Variants in DENND1A observed in about 807,000 individuals in gnomAD.
DENND1A encodes DENN domain-containing protein 1A.
A neutral mutation model predicts 113.7 loss-of-function variants in DENND1A; 51 were observed. That is an observed-to-expected ratio of 0.45 (90% CI 0.36 to 0.57). DENND1A has a LOEUF of 0.57. DENND1A is among the 20% of genes least tolerant of loss of function. The pLI is 0.00. For synonymous variants in DENND1A, 565 were observed against 570.8 expected (o/e 0.99, Z 0.14); for missense variants, 1,258 against 1,395.9 (o/e 0.90, Z 1.57).
At chr9:123,558,724 C>A (rs10986053) in intron 12 of DENND1A, among the ~76,000 whole-genome samples, 1 of 152,132 alleles carries the variant, frequency 6.6e-6, no homozygotes, top group Non-Finnish European at 1.5e-5. Context: ...TCAAGCTTCC[C>A]GGACTATTTC....
intron 5 of DENND1A, among the ~76,000 whole-genome samples, chr9:123,714,040 C>T (rs2066810932): frequency 6.6e-6 from 1 of 152,122 alleles, no homozygotes. Flanking sequence ...TTAGTGTGTA[C>T]AGTTAGAAGC....
chr9:123,750,965 C>G lies in DENND1A; in HGVS notation c.302+6738G>C, dbSNP rs113761519. Among the ~76,000 whole-genome samples, 3 of 152,282 alleles carry G rather than the reference C, an allele frequency of 2.0e-5. 1 individual carries two copies. Among genetic ancestry groups the G allele is most frequent in the African/African-American group, 7.2e-5 (3 of 41,568 alleles). On this transcript the variant is annotated intron_variant, in intron 5 of 23. Coordinates refer to ENST00000394215, the MANE Select transcript of DENND1A (RefSeq NM_001352964.2). ...CAAGGTAAAAATCTGGGAGCTGTCCCCACAGCCTTCCTCCCCGACTCCCTC... is the reference window on the plus strand; with the variant it reads ...CAAGGTAAAAATCTGGGAGCTGTCCGCACAGCCTTCCTCCCCGACTCCCTC...
chr9:123,384,441 C>G (rs1482136423), intron 22 of DENND1A, among the ~76,000 whole-genome samples: 1 of 152,260 alleles, frequency 6.6e-6, no homozygotes, highest in Admixed American at 6.5e-5. Flanking sequence ...CACCTCTGGT[C>G]ATGCTATTTC....
intron 13 of DENND1A, among the ~76,000 whole-genome samples, 156 bp from the exon 14 acceptor site, chr9:123,458,053 T>C (rs1434526705): frequency 6.7e-6 from 1 of 148,338 alleles, no homozygotes; most frequent in Non-Finnish European, 1.5e-5. Flanking sequence ...CAGGCTGGAG[T>C]ACAGTGGTGC....
At chr9:123,770,246 A>G (rs1829512335) in intron 3 of DENND1A, among the ~76,000 whole-genome samples, 2 of 152,236 alleles carry the variant, frequency 1.3e-5, no homozygotes, top group South Asian at 4.1e-4. Flanking sequence ...ATTAAAATCT[A>G]AAGCAAACTA....
At chr9:123,868,983 G>A (rs1179605517) in intron 2 of DENND1A, among the ~76,000 whole-genome samples, 1 of 152,166 alleles carries the variant, frequency 6.6e-6, no homozygotes, top group Non-Finnish European at 1.5e-5. Flanking sequence ...GTAGAGAAAG[G>A]CAAATTGAGA....
intron 10 of DENND1A, among the ~76,000 whole-genome samples, chr9:123,624,012 T>C (rs1241642087): frequency 1.3e-5 from 2 of 152,232 alleles, no homozygotes; most frequent in Non-Finnish European, 2.9e-5. Flanking sequence ...GTGGTCCTCA[T>C]GTGTTAATTA....
chr9:123,713,226 T>C (rs2066748875), intron 5 of DENND1A, among the ~76,000 whole-genome samples: 1 of 152,176 alleles, frequency 6.6e-6, no homozygotes, highest in South Asian at 2.1e-4. Flanking sequence ...GGAGAACATA[T>C]TAAAACTATT....
At chr9:123,746,381 T>C (rs916364582) in intron 5 of DENND1A, among the ~76,000 whole-genome samples, 12 of 152,138 alleles carry the variant, frequency 7.9e-5, no homozygotes, top group Admixed American at 5.2e-4. Flanking sequence ...ATCCATGTTT[T>C]AAAAAGATTG....
intron 13 of DENND1A, among the ~76,000 whole-genome samples, chr9:123,531,359 A>T (rs2135357669): frequency 6.6e-6 from 1 of 151,932 alleles, no homozygotes; most frequent in East Asian, 1.9e-4. Context: ...TTACATTTGG[A>T]CTTCATTTTT....
rs958202446 is a variant in DENND1A, at chr9:123,381,243, C to A, written c.*189G>T. 3 of 634,018 alleles carry A rather than the reference C, an allele frequency of 4.7e-6. No homozygotes were observed. Among genetic ancestry groups the A allele is most frequent in the Non-Finnish European group, 8.1e-6 (3 of 368,616 alleles). 39.3% of individuals were successfully genotyped at this position (634,018 alleles called of 1,614,324 possible). A position where few individuals can be genotyped will look rare whatever the true frequency, so the allele number is the denominator to read the frequency against. On this transcript the variant is annotated 3_prime_UTR_variant, in exon 24 of 24. Transcript: ENST00000394215. This position sits in a 1 kb window ranked among gnomAD's most constrained non-coding sequence, Gnocchi z 4.7. ...AACTGGGTTGATTCCCAGGCTGGAA[C>A]TGGTGCCATTCCCCAGGGCCAGACA... is the stretch of plus-strand genomic sequence containing the variant.
chr9:123,630,422 G>A lies in DENND1A; in HGVS notation c.673C>T (p.His225Tyr). The change falls in exon 10 of 24, where the codon CAC (histidine) becomes TAC (tyrosine). Residue 225 changes from histidine to tyrosine, a missense_variant. By Grantham distance (83) the His-to-Tyr change is moderately conservative. Coordinates refer to ENST00000394215, the MANE Select transcript of DENND1A (RefSeq NM_001352964.2). ...GGCGGCAGCACGGGGATGTACACGT[G>A]CTGCCAGTACATGGGGTAGAGCATC... Reference protein sequence around the residue: ...AAMLYPMYWQHVYIPVLPPHL... With the variant: ...AAMLYPMYWQYVYIPVLPPHL... 5 of 1,604,580 alleles carry A rather than the reference G, an allele frequency of 3.1e-6. No individual in the cohort carries two copies. Among genetic ancestry groups the A allele is most frequent in the Non-Finnish European group, 4.3e-6 (5 of 1,175,232 alleles).
At chr9:123,501,803 T>C (rs2052510256) in intron 13 of DENND1A, among the ~76,000 whole-genome samples, 1 of 152,202 alleles carries the variant, frequency 6.6e-6, no homozygotes, top group Admixed American at 6.5e-5. Flanking sequence ...AAAGGAGAGA[T>C]GGGCCTAGCC....
chr9:123,467,596 A>C (rs2049059739), intron 13 of DENND1A, among the ~76,000 whole-genome samples: 1 of 152,160 alleles, frequency 6.6e-6, no homozygotes, highest in Non-Finnish European at 1.5e-5. Context: ...CAGAGGTTGC[A>C]GTGAGCCGAG....
intron 11 of DENND1A, among the ~76,000 whole-genome samples, chr9:123,603,265 C>T (rs2060009523): frequency 6.6e-6 from 1 of 152,164 alleles, no homozygotes; most frequent in African/African-American, 2.4e-5. Context: ...AATTCCAGTT[C>T]TTTGAAATGC....
At chr9:123,549,918 C>G (rs1281630974) in intron 13 of DENND1A, among the ~76,000 whole-genome samples, 1 of 152,192 alleles carries the variant, frequency 6.6e-6, no homozygotes, top group African/African-American at 2.4e-5. Context: ...CTGCTTTCCA[C>G]TACACCAAAA....
At chr9:123,810,758 CTTTT>C (rs570849433) in intron 2 of DENND1A, among the ~76,000 whole-genome samples, 2 of 131,194 alleles carry the variant, frequency 1.5e-5, no homozygotes, top group Non-Finnish European at 3.2e-5. Flanking sequence ...ACTTAAATCC[CTTTT>C]TTTTTTTTTT....
intron 19 of DENND1A, among the ~76,000 whole-genome samples, chr9:123,417,827 G>A (rs549151981): frequency 4.6e-5 from 7 of 151,878 alleles, no homozygotes; most frequent in African/African-American, 1.7e-4. Context: ...GTCTCACCAA[G>A]ACTCTGGTAG....
At chr9:123,495,198 T>C (rs1437964265) in intron 13 of DENND1A, among the ~76,000 whole-genome samples, 1 of 150,192 alleles carries the variant, frequency 6.7e-6, no homozygotes, top group African/African-American at 2.5e-5. Context: ...TCACAGGGCT[T>C]GAGGAGTTTG....
Sources: gnomAD v4.1 joint callset for allele counts (sites outside exome capture counted in the v4.1 genomes callset) on GRCh38, gnomAD v4.1.1 for gene constraint, Gnocchi (gnomAD v3.1) non-coding constraint, MANE v1.5 for transcripts, NCBI Gene and HGNC (gene_info 2026-07-23, HGNC 2026-07-21) for gene names.